LBP: variants seen among roughly 807,000 people sequenced by gnomAD.
LBP encodes the protein lipopolysaccharide-binding protein.
A neutral mutation model predicts 56.6 loss-of-function variants in LBP; 53 were observed. The observed-to-expected ratio is 0.94, with a 90% CI of 0.75 to 1.18. The LOEUF is 1.18. LBP is among the 50% of genes most tolerant of loss of function. The pLI, the probability that LBP is intolerant of heterozygous loss-of-function variation, is 0.00. For missense variants in LBP, 601 were observed against 598.3 expected (o/e 1.00, Z -0.05); for synonymous variants, 227 against 247.5 (o/e 0.92, Z 0.78).
At chr20:38,366,666 G>A in intron 8 of LBP, 103 bp from the exon 9 acceptor site, 1 of 1,078,442 alleles carries the variant, frequency 9.3e-7, no homozygotes, top group African/African-American at 1.5e-5. Flanking sequence ...CCCAGGCTGT[G>A]GAGAAGCGAC....
rs1246735555 is a variant in LBP at position 38,349,616 on chromosome 20, G to T, written c.193G>T (p.Asp65Tyr). ...GATCACGCTGCCTGACTTCACCGGG[G>T]ACTTGAGGATCCCCCACGTCGGCCG... The part of the protein sequence containing the change: ...LRITLPDFTG[D>Y]LRIPHVGRGR... The change falls in exon 2 of 15, where the codon GAC (aspartate) becomes TAC (tyrosine). Residue 65 changes from aspartate to tyrosine, a missense_variant. Coordinates refer to ENST00000217407, the MANE Select transcript of LBP (RefSeq NM_004139.5). 4.3e-6 allele frequency: 7 copies of T among 1,612,000 alleles called. No homozygotes were observed. Among genetic ancestry groups the T allele is most frequent in the Non-Finnish European group, 5.9e-6 (7 of 1,179,278 alleles).
intron 2 of LBP, 59 bp downstream of exon 2, chr20:38,349,721 T>C: frequency 1.6e-6 from 2 of 1,242,990 alleles, no homozygotes; most frequent in South Asian, 1.4e-5. Context: ...TCAGGGGGAA[T>C]TGGAGAGTGA....
intron 5 of LBP, among the ~76,000 whole-genome samples, chr20:38,357,963 C>G (rs1022954576): frequency 3.3e-5 from 5 of 152,188 alleles, no homozygotes; most frequent in African/African-American, 1.2e-4. Context: ...GCACTCTCAT[C>G]GCCATCTTGG....
intron 11 of LBP, 83 bp downstream of exon 11, chr20:38,370,888 G>A (rs1367621444): frequency 5.3e-6 from 6 of 1,134,038 alleles, no homozygotes; most frequent in Non-Finnish European, 8.0e-6. Context: ...GCTGGTGGGA[G>A]GGGGGGCCAC....
chr20:38,365,214 AAC>A (rs2076876268), intron 8 of LBP, among the ~76,000 whole-genome samples: 1 of 137,748 alleles, frequency 7.3e-6, no homozygotes, highest in Non-Finnish European at 1.5e-5. Flanking sequence ...CAGTCTGAGC[AAC>A]AGAGTGAGAC....
intron 7 of LBP, 41 bp downstream of exon 7, chr20:38,364,107 C>G (rs1221668200): frequency 7.2e-7 from 1 of 1,394,770 alleles, no homozygotes; most frequent in Non-Finnish European, 1.0e-6. Context: ...GAGGCTTTCC[C>G]TCAGGGTCAG....
intron 6 of LBP, among the ~76,000 whole-genome samples, chr20:38,361,894 C>T (rs1161652768): frequency 6.6e-6 from 1 of 151,836 alleles, no homozygotes; most frequent in Admixed American, 6.6e-5. Context: ...CACCACCATC[C>T]CAACTTCTAC....
rs978340733 is a variant in LBP, at chr20:38,373,322, C to T, written c.1324+187C>T. On this transcript the variant is annotated intron_variant, in intron 13 of 14. Coordinates refer to ENST00000217407, the MANE Select transcript of LBP (RefSeq NM_004139.5). Reference sequence around the variant, plus strand: ...GTTGGCCTCATCTCCCTCCAGGGCTCTAATGAGGGTTGGGGGCTGGGACAG... The same window carrying T: ...GTTGGCCTCATCTCCCTCCAGGGCTTTAATGAGGGTTGGGGGCTGGGACAG... Among the ~76,000 whole-genome samples the T allele has an allele frequency of 2.0e-5, 3 of 152,152 alleles. No homozygotes were observed. In the South Asian group the frequency reaches 6.2e-4, roughly 32 times the overall value.
At chr20:38,361,461 G>C (rs1180475022) in intron 6 of LBP, among the ~76,000 whole-genome samples, 1 of 152,062 alleles carries the variant, frequency 6.6e-6, no homozygotes, top group East Asian at 1.9e-4. Flanking sequence ...CTGGAGTGCA[G>C]TGGTGTGATC....
At chr20:38,373,509 C>T (rs1194284753) in intron 13 of LBP, among the ~76,000 whole-genome samples, 1 of 152,340 alleles carries the variant, frequency 6.6e-6, no homozygotes. Flanking sequence ...GCCCAACTGC[C>T]TAGTCAAAAA....
intron 9 of LBP, among the ~76,000 whole-genome samples, chr20:38,367,315 G>C (rs868346582): frequency 6.6e-6 from 1 of 152,116 alleles, no homozygotes; most frequent in South Asian, 2.1e-4. Context: ...TTAGCCAAGC[G>C]TAGCGGCACA....
At chr20:38,359,984 G>T (rs184003457) in intron 5 of LBP, among the ~76,000 whole-genome samples, 15 of 152,296 alleles carry the variant, frequency 9.8e-5, no homozygotes, top group Admixed American at 4.6e-4. Flanking sequence ...GAATGTGGTG[G>T]CTCACGTCTG....
chr20:38,360,776 C>T lies in LBP; in HGVS notation c.652+9C>T. ...TCTCCAAACTCTGCCAGGTAGGACA[C>T]CCCATCCATCCCGGGACACTTTTAT... On this transcript the variant is annotated intron_variant, in intron 6 of 14. Coordinates refer to ENST00000217407, the MANE Select transcript of LBP (RefSeq NM_004139.5). 2 of 1,589,282 alleles carry T rather than the reference C, an allele frequency of 1.3e-6. No individual in the cohort carries two copies. The highest frequency in any genetic ancestry group is 1.1e-5 in the South Asian group (1 of 90,406).
chr20:38,361,677 T>G (rs1044024592), intron 6 of LBP, among the ~76,000 whole-genome samples: 5 of 152,154 alleles, frequency 3.3e-5, no homozygotes, highest in African/African-American at 9.7e-5. Flanking sequence ...AGTACTGGGA[T>G]GACAGGCACG....
Position 38,349,668 on chromosome 20 carries a change from G to A in LBP, c.239+6G>A. ...GGGCGCTATGAGTTCCACAGGTGGG[G>A]CTCTCCCTTCTGCTGCGGCTCTGAA... On this transcript the variant is annotated splice_donor_region_variant and intron_variant, in intron 2 of 14. Coordinates refer to ENST00000217407, the MANE Select transcript of LBP (RefSeq NM_004139.5). 3 of 1,573,830 alleles carry A rather than the reference G, an allele frequency of 1.9e-6. No homozygotes were observed. The highest frequency in any genetic ancestry group is 2.6e-6 in the Non-Finnish European group (3 of 1,152,024).
chr20:38,374,066 A>G, intron 14 of LBP, 53 bp downstream of exon 14: 3 of 1,564,458 alleles, frequency 1.9e-6, no homozygotes, highest in Non-Finnish European at 2.6e-6. Flanking sequence ...GGTGGTTTGC[A>G]TGCTAGCTTT....
chr20:38,373,039 C>T (rs746779547), intron 12 of LBP, 33 bp from the exon 13 acceptor site: 12 of 1,596,538 alleles, frequency 7.5e-6, no homozygotes, highest in East Asian at 4.5e-5. Flanking sequence ...GGCCCTGTGG[C>T]GATGTAAATA....
At chr20:38,355,592 G>C (rs151181412) in intron 5 of LBP, among the ~76,000 whole-genome samples, 183 bp downstream of exon 5, 9 of 152,290 alleles carry the variant, frequency 5.9e-5, no homozygotes, top group Non-Finnish European at 1.3e-4. Flanking sequence ...TGGGGACAAA[G>C]CTCCAAGTCC....
chr20:38,354,959 G>C (rs1483364439), intron 4 of LBP, among the ~76,000 whole-genome samples: 1 of 152,210 alleles, frequency 6.6e-6, no homozygotes, highest in African/African-American at 2.4e-5. Flanking sequence ...GCACATGCCT[G>C]TAGTCTCAGC....
Sources: allele counts gnomAD v4.1 joint callset (sites outside exome capture counted in the v4.1 genomes callset), GRCh38; gene constraint gnomAD v4.1.1; transcripts MANE v1.5; gene names NCBI Gene and HGNC (gene_info 2026-07-23, HGNC 2026-07-21).